The following MGMT variants were observed in gnomAD, a reference collection of about 807,000 sequenced individuals.
MGMT encodes methylated-DNA--protein-cysteine methyltransferase.
MGMT carries 14 observed loss-of-function variants against 15.9 expected under a neutral mutation model. The observed-to-expected ratio is 0.88, with a 90% CI of 0.58 to 1.37. The LOEUF is 1.37. Ranked by LOEUF, MGMT falls within the 40% of genes most tolerant of loss-of-function variation. The pLI, the probability that MGMT is intolerant of heterozygous loss-of-function variation, is 0.00. For missense variants in MGMT, 282 were observed against 268.1 expected (o/e 1.05, Z -0.36); for synonymous variants, 130 against 118.2 (o/e 1.10, Z -0.65).
chr10:129,727,914 A>G (rs1306604218), intron 3 of MGMT, among the ~76,000 whole-genome samples: 1 of 152,186 alleles, frequency 6.6e-6, no homozygotes, highest in African/African-American at 2.4e-5. Flanking sequence ...AGGGGAAACA[A>G]CATAGACTGA....
chr10:129,685,766 A>C (rs1051651233), intron 2 of MGMT, among the ~76,000 whole-genome samples: 3 of 152,238 alleles, frequency 2.0e-5, no homozygotes, highest in African/African-American at 7.2e-5. Context: ...GAAACCATTC[A>C]TTATCTCTGG....
intron 2 of MGMT, among the ~76,000 whole-genome samples, chr10:129,567,904 A>G (rs569076668): frequency 6.6e-6 from 1 of 152,344 alleles, no homozygotes; most frequent in Admixed American, 6.5e-5. Context: ...TGTCATTGAA[A>G]TACCAATTCA....
chr10:129,608,832 G>A (rs1394224214), intron 2 of MGMT, among the ~76,000 whole-genome samples: 1 of 152,244 alleles, frequency 6.6e-6, no homozygotes, highest in Non-Finnish European at 1.5e-5. Context: ...CTGAGGCCCC[G>A]TCCGCCTTGG....
At chr10:129,751,617 C>T (rs1160497752) in intron 3 of MGMT, among the ~76,000 whole-genome samples, 1 of 151,602 alleles carries the variant, frequency 6.6e-6, no homozygotes, top group Non-Finnish European at 1.5e-5. Context: ...ATTATTGAGA[C>T]CTTTCTTTTT....
intron 2 of MGMT, among the ~76,000 whole-genome samples, chr10:129,542,175 C>T (rs915800043): frequency 1.3e-5 from 2 of 152,136 alleles, no homozygotes; most frequent in Admixed American, 6.5e-5. Context: ...AGGTGACCTG[C>T]GTTTTGCCTC....
chr10:129,681,922 GACAA>G (rs1377224398), intron 2 of MGMT, among the ~76,000 whole-genome samples: 7 of 152,096 alleles, frequency 4.6e-5, no homozygotes, highest in Admixed American at 2.0e-4. Context: ...CTAGAAATTG[GACAA>G]ACAATCTGAA....
chr10:129,562,343 C>T (rs1487435050), intron 2 of MGMT, among the ~76,000 whole-genome samples: 3 of 152,294 alleles, frequency 2.0e-5, no homozygotes, highest in Non-Finnish European at 4.4e-5. Flanking sequence ...TGGCTCCATC[C>T]GGGGATTTGA....
chr10:129,746,137 G>T (rs551937208), intron 3 of MGMT, among the ~76,000 whole-genome samples: 1 of 151,668 alleles, frequency 6.6e-6, no homozygotes, highest in African/African-American at 2.4e-5. Context: ...TACTCAGGAG[G>T]CTGAAGCAGG....
intron 3 of MGMT, among the ~76,000 whole-genome samples, chr10:129,719,259 T>G (rs1848339453): frequency 6.6e-6 from 1 of 152,224 alleles, no homozygotes. Context: ...CCAGGCTGTC[T>G]AGAGCCAGTC....
chr10:129,483,122 GC>G (rs1845375618), intron 1 of MGMT, among the ~76,000 whole-genome samples: 1 of 152,084 alleles, frequency 6.6e-6, no homozygotes, highest in South Asian at 2.1e-4. Flanking sequence ...CTTAGCTTAT[GC>G]TTATCATAAT....
chr10:129,739,391 AT>A (rs1166754022), intron 3 of MGMT, among the ~76,000 whole-genome samples: 4 of 152,232 alleles, frequency 2.6e-5, no homozygotes, highest in African/African-American at 9.6e-5. Context: ...ATGATTCTAT[AT>A]TTAGAAAACC....
chr10:129,743,302 C>T (rs1848659235), intron 3 of MGMT, among the ~76,000 whole-genome samples: 1 of 152,216 alleles, frequency 6.6e-6, no homozygotes, highest in South Asian at 2.1e-4. Context: ...CAGCATATCT[C>T]ATAGCTTGTT....
intron 2 of MGMT, among the ~76,000 whole-genome samples, chr10:129,621,455 G>A (rs1173116433): frequency 1.3e-5 from 2 of 152,206 alleles, no homozygotes; most frequent in South Asian, 2.1e-4. Context: ...TACGCATTTT[G>A]ATGTTCTAAA....
At chr10:129,646,556 C>T (rs1377915659) in intron 2 of MGMT, among the ~76,000 whole-genome samples, 2 of 151,170 alleles carry the variant, frequency 1.3e-5, no homozygotes, top group South Asian at 2.1e-4. Flanking sequence ...TGTCGGGGCA[C>T]GGTGGCAGTT....
At chr10:129,512,240 C>A (rs1331573615) in intron 1 of MGMT, among the ~76,000 whole-genome samples, 3 of 152,150 alleles carry the variant, frequency 2.0e-5, no homozygotes, top group East Asian at 1.9e-4. Flanking sequence ...TTGCGGACTG[C>A]CTGTAGTACT....
At position 129,603,743 on chromosome 10, in the gene MGMT, C is replaced by T. The variant is rs375524791; in HGVS notation, c.125+67366C>T. On this transcript the variant is annotated intron_variant, in intron 2 of 4. Transcript: ENST00000651593. ...ACTGCTTCTTGTATGGGCAGCTTGT[C>T]GGGCACAAAAAATACCAGCACTTAC... 3.9e-5 allele frequency among the ~76,000 whole-genome samples: 6 copies of T among 152,166 alleles called. No homozygotes were observed. In the East Asian group the frequency reaches 9.6e-4, roughly 24 times the overall value.
intron 2 of MGMT, chr10:129,701,790 C>G (rs1432587731): frequency 6.6e-6 from 1 of 152,214 alleles, no homozygotes; most frequent in Non-Finnish European, 1.5e-5. Context: ...CCGTGTCCAA[C>G]AGGGGCCATT....
At chr10:129,630,996 G>A (rs184817850) in intron 2 of MGMT, among the ~76,000 whole-genome samples, 89 of 152,280 alleles carry the variant, frequency 5.8e-4, no homozygotes, top group African/African-American at 2.1e-3. Context: ...AAAAAGGGAA[G>A]GAAAAATATC....
chr10:129,593,477 A>AG (rs752211156), intron 2 of MGMT, among the ~76,000 whole-genome samples: 113 of 152,304 alleles, frequency 7.4e-4, no homozygotes, highest in Non-Finnish European at 1.3e-3. Flanking sequence ...CGAATCTGAG[A>AG]GGGAGCCCCT....
Sources: gnomAD v4.1 joint callset for allele counts (sites outside exome capture counted in the v4.1 genomes callset) on GRCh38, gnomAD v4.1.1 for gene constraint, MANE v1.5 for transcripts, NCBI Gene and HGNC (gene_info 2026-07-23, HGNC 2026-07-21) for gene names.